The following SCN8A variants were observed in gnomAD, a reference collection of about 807,000 sequenced individuals.
SCN8A encodes the protein sodium voltage-gated channel alpha subunit 8, also known as sodium channel protein type 8 subunit alpha.
A neutral mutation model predicts 184.1 loss-of-function variants in SCN8A; 30 were observed. The ratio of observed to expected loss-of-function variants is 0.16; its 90% CI spans 0.12 to 0.22. SCN8A has a LOEUF of 0.22. Ranked by LOEUF, SCN8A falls within the 10% of genes least tolerant of loss-of-function variation. SCN8A has a pLI of 1.00. For missense variants in SCN8A, 1,057 were observed against 2,498.9 expected, an observed-to-expected ratio of 0.42 and a Z score of 12.30; for synonymous variants, 852 against 907.0, an observed-to-expected ratio of 0.94 and a Z score of 1.09.
At position 51,807,151 on chromosome 12, in the gene SCN8A, A is replaced by T; in HGVS notation, c.5665A>T (p.Thr1889Ser). The change falls in exon 27 of 27, where the codon ACA becomes TCA. Residue 1889 changes from threonine (T) to serine (S), a missense_variant. Physicochemically the swap from Thr to Ser is moderately conservative, Grantham distance 58. Coordinates refer to ENST00000627620, the MANE Select transcript of SCN8A (RefSeq NM_001330260.2). The surrounding 1 kb of genome is among the most constrained non-coding windows in gnomAD (Gnocchi z 4.5). ...SKVSYEPITT[T>S]LRRKQEEVSA... ...AGTGTCTTACGAGCCAATCACAACC[A>T]CACTGCGTCGCAAGCAGGAGGAGGT... 1 of 1,613,938 alleles carries T rather than the reference A, an allele frequency of 6.2e-7. No individual in the cohort carries two copies. The highest frequency in any genetic ancestry group is 8.5e-7 in the Non-Finnish European group (1 of 1,179,874).
intron 11 of SCN8A, among the ~76,000 whole-genome samples, chr12:51,710,860 T>C (rs1451231021): frequency 6.6e-6 from 1 of 152,234 alleles, no homozygotes; most frequent in African/African-American, 2.4e-5. Flanking sequence ...TGTTGCTTTT[T>C]ACTCTACATA....
chr12:51,632,756 C>T (rs898353479), intron 1 of SCN8A, among the ~76,000 whole-genome samples: 1 of 152,154 alleles, frequency 6.6e-6, no homozygotes, highest in Non-Finnish European at 1.5e-5. Flanking sequence ...ATGATGAGTA[C>T]ACTTGAAGCC....
chr12:51,664,853 A>G (rs572193671), intron 2 of SCN8A, among the ~76,000 whole-genome samples: 1 of 152,016 alleles, frequency 6.6e-6, no homozygotes, highest in East Asian at 1.9e-4. Context: ...GGCATCTATT[A>G]ACTATTCTTC....
intron 1 of SCN8A, among the ~76,000 whole-genome samples, chr12:51,656,217 A>C (rs1044344895): frequency 2.0e-5 from 3 of 152,238 alleles, no homozygotes; most frequent in Non-Finnish European, 4.4e-5. Context: ...AACAGTGACC[A>C]GACATTTTAT....
chr12:51,728,131 T>C (rs1349692894), intron 12 of SCN8A, among the ~76,000 whole-genome samples: 1 of 152,196 alleles, frequency 6.6e-6, no homozygotes, highest in Non-Finnish European at 1.5e-5. Context: ...CTCAGCACTT[T>C]TAGTGATGTC....
At chr12:51,791,461 A>C (rs1431010033) in intron 25 of SCN8A, among the ~76,000 whole-genome samples, 1 of 151,442 alleles carries the variant, frequency 6.6e-6, no homozygotes, top group East Asian at 2.0e-4. Context: ...CACCAGCCCA[A>C]GTATCTCAGT....
chr12:51,710,116 A>G (rs1464956726), intron 11 of SCN8A, among the ~76,000 whole-genome samples: 1 of 152,128 alleles, frequency 6.6e-6, no homozygotes, highest in Non-Finnish European at 1.5e-5. Context: ...ACAGTTTAGA[A>G]TAGTTTTTAA....
chr12:51,650,121 T>C (rs543403288), intron 1 of SCN8A, among the ~76,000 whole-genome samples: 6 of 152,312 alleles, frequency 3.9e-5, no homozygotes, highest in African/African-American at 1.4e-4. Context: ...GAGTCACCTT[T>C]GCTGCAGTTC....
chr12:51,607,863 A>G (rs1361491311), intron 1 of SCN8A, among the ~76,000 whole-genome samples: 1 of 152,110 alleles, frequency 6.6e-6, no homozygotes, highest in African/African-American at 2.4e-5. Flanking sequence ...ATCTGTATTC[A>G]TCAAGGATAT....
chr12:51,726,876 A>G lies in SCN8A; in HGVS notation c.1998+4968A>G, dbSNP rs1308350111. Reference sequence around the variant, plus strand: ...TTTGAGAAAGAGAAATTATTGTACAATTATTTTAAAGCAAAACACTATGCA... The same window carrying G: ...TTTGAGAAAGAGAAATTATTGTACAGTTATTTTAAAGCAAAACACTATGCA... On this transcript the variant is annotated intron_variant, in intron 12 of 26. Coordinates refer to ENST00000627620, the MANE Select transcript of SCN8A (RefSeq NM_001330260.2). Among the ~76,000 whole-genome samples, 4 of 152,186 alleles carry G rather than the reference A, an allele frequency of 2.6e-5. No individual in the cohort carries two copies. The South Asian group carries it at 6.2e-4, about 24-fold the overall frequency.
chr12:51,801,729 C>A (rs763316779), intron 26 of SCN8A, among the ~76,000 whole-genome samples: 1 of 152,184 alleles, frequency 6.6e-6, no homozygotes, highest in Non-Finnish European at 1.5e-5. Context: ...ATTCCCATAC[C>A]TGTTCTCCAG....
At chr12:51,625,278 CAT>C in intron 1 of SCN8A, among the ~76,000 whole-genome samples, 1 of 152,302 alleles carries the variant, frequency 6.6e-6, no homozygotes, top group East Asian at 1.9e-4. Flanking sequence ...TGAGTGGAAT[CAT>C]ATAATTTGTA....
At chr12:51,614,020 G>T (rs564756370) in intron 1 of SCN8A, among the ~76,000 whole-genome samples, 1 of 152,110 alleles carries the variant, frequency 6.6e-6, no homozygotes, top group African/African-American at 2.4e-5. Flanking sequence ...TGTATATTCT[G>T]TTGTTAGGTG....
chr12:51,769,617 C>T (rs904182273), intron 17 of SCN8A, among the ~76,000 whole-genome samples: 7 of 152,158 alleles, frequency 4.6e-5, no homozygotes, highest in Non-Finnish European at 8.8e-5. Flanking sequence ...AGTTATAGCC[C>T]TGAAACCAAC....
intron 2 of SCN8A, among the ~76,000 whole-genome samples, chr12:51,679,033 A>C (rs547893977): frequency 3.3e-5 from 5 of 151,722 alleles, no homozygotes; most frequent in African/African-American, 9.7e-5. Flanking sequence ...CCGAGATCAC[A>C]CCGCTGCACT....
chr12:51,773,103 C>T (rs1310310864), intron 19 of SCN8A, among the ~76,000 whole-genome samples: 6 of 150,694 alleles, frequency 4.0e-5, no homozygotes, highest in African/African-American at 9.8e-5. Flanking sequence ...GGCAACTGAG[C>T]GAGACTCCGT....
intron 1 of SCN8A, among the ~76,000 whole-genome samples, chr12:51,658,886 T>C (rs1446852706): frequency 6.6e-6 from 1 of 152,148 alleles, no homozygotes; most frequent in Non-Finnish European, 1.5e-5. Context: ...TTCCAAGTGT[T>C]GATGAGGATT....
chr12:51,807,531 C>A lies in SCN8A; in HGVS notation c.*102C>A. On this transcript the variant is annotated 3_prime_UTR_variant, in exon 27 of 27. Coordinates refer to ENST00000627620, the MANE Select transcript of SCN8A (RefSeq NM_001330260.2). The surrounding 1 kb of genome is among the most constrained non-coding windows in gnomAD (Gnocchi z 4.5). ...TCAATGCAGAACAGCTGTGGAGACT[C>A]TAACCTGAAGATCTATACCAAACGT... 1 of 1,246,024 alleles carries A rather than the reference C, an allele frequency of 8.0e-7. No homozygotes were observed. Among genetic ancestry groups the A allele is most frequent in the Non-Finnish European group, 1.1e-6 (1 of 876,782 alleles). The allele number at this position is 1,246,024 out of a possible 1,614,324, so 77.2% of individuals were successfully genotyped here.
At chr12:51,715,299 T>C (rs1941946497) in intron 11 of SCN8A, among the ~76,000 whole-genome samples, 2 of 152,156 alleles carry the variant, frequency 1.3e-5, no homozygotes, top group Admixed American at 1.3e-4. Flanking sequence ...TTCATCACTG[T>C]CTTATCATCC....
Sources: allele counts gnomAD v4.1 joint callset (sites outside exome capture counted in the v4.1 genomes callset), GRCh38; gene constraint gnomAD v4.1.1; non-coding constraint Gnocchi (gnomAD v3.1); transcripts MANE v1.5; gene names NCBI Gene and HGNC (gene_info 2026-07-23, HGNC 2026-07-21).